PAWR: variants seen among roughly 807,000 people sequenced by gnomAD.
The protein encoded by PAWR is PRKC apoptosis WT1 regulator protein.
In PAWR, 23 loss-of-function variants were observed where a neutral mutation model predicts 32.0. The ratio of observed to expected loss-of-function variants is 0.72; its 90% CI spans 0.52 to 1.02. The LOEUF (loss-of-function observed/expected upper bound fraction) is 1.02. PAWR is among the 50% of genes least tolerant of loss of function. The probability of loss-of-function intolerance (pLI) is 0.00; values close to 1 mark genes in which losing one functional copy is unlikely to be tolerated. For missense variants in PAWR, 457 were observed against 437.7 expected, an observed-to-expected ratio of 1.04 and a Z score of -0.39; for synonymous variants, 226 against 187.1, an observed-to-expected ratio of 1.21 and a Z score of -1.70.
At position 79,689,752 on chromosome 12, in the gene PAWR, C is replaced by G. The variant is rs1015937744; in HGVS notation, c.493G>C (p.Val165Leu). The G allele has an allele frequency of 6.4e-7, 1 of 1,573,418 alleles. No homozygotes were observed. Among genetic ancestry groups the G allele is most frequent in the African/African-American group, 1.4e-5 (1 of 73,958 alleles). ...KLREKRRSTGVVNIPAAECLD... is the reference protein window; with the variant it reads ...KLREKRRSTGLVNIPAAECLD... The stretch of plus-strand genomic sequence containing the variant: ...ACCTCTGCGGCAGGGATGTTGACCA[C>G]GCCGGTGGAGCGCCGCTTCTCCCGC... Residue 165 changes from valine to leucine, a missense_variant, in exon 2 of 7, where the codon GTG (valine) becomes CTG (leucine). Physicochemically the swap from Val to Leu is conservative, Grantham distance 32. Coordinates refer to ENST00000328827, the MANE Select transcript of PAWR (RefSeq NM_002583.4).
intron 2 of PAWR, among the ~76,000 whole-genome samples, chr12:79,634,140 A>G (rs1223974175): frequency 1.3e-5 from 2 of 152,208 alleles, no homozygotes; most frequent in Non-Finnish European, 2.9e-5. Context: ...AAGTAAATAC[A>G]TATTTTATTC....
intron 3 of PAWR, among the ~76,000 whole-genome samples, chr12:79,614,760 C>T (rs1349382783): frequency 1.3e-5 from 2 of 152,166 alleles, no homozygotes; most frequent in African/African-American, 4.8e-5. Context: ...TATAAGATAA[C>T]CAGTTCCAGA....
rs552313236 is a variant in PAWR, at chr12:79,662,099, T to A, written c.516+27630A>T. On this transcript the variant is annotated intron_variant, in intron 2 of 6. Transcript: ENST00000328827. ...CATAGTAGCATTTAGCTAAGCACAG[T>A]GGCATGTGCCTGTGGTCACAGCTAC... Among the ~76,000 whole-genome samples, 6 of 148,994 alleles carry A rather than the reference T, an allele frequency of 4.0e-5. No homozygotes were observed. In the East Asian group the frequency reaches 1.2e-3, roughly 30 times the overall value.
intron 4 of PAWR, among the ~76,000 whole-genome samples, chr12:79,607,738 A>AT (rs1874246652): frequency 1.4e-5 from 2 of 143,850 alleles, no homozygotes; most frequent in African/African-American, 5.2e-5. Flanking sequence ...CAAAAAAAAA[A>AT]AAAAAAATAA....
rs1213753664 is a variant in PAWR at position 79,596,521 on chromosome 12, T to A, written c.821A>T (p.Asp274Val). The change falls in exon 5 of 7, where the codon GAT (aspartate) becomes GTT (valine). Residue 274 changes from aspartate (D) to valine (V), a missense_variant. Transcript: ENST00000328827. The stretch of plus-strand genomic sequence containing the variant: ...ACTTATAATCCATACCTTTTCAAGA[T>A]CTTCAATTTTCTTTTCCAGTGTGCT... Reference protein sequence around the residue: ...SSSTLEKKIEDLEKEVVRERQ... With the variant: ...SSSTLEKKIEVLEKEVVRERQ... The A allele has an allele frequency of 6.5e-7, 1 of 1,545,314 alleles. No homozygotes were observed. The highest frequency in any genetic ancestry group is 8.8e-7 in the Non-Finnish European group (1 of 1,130,518).
chr12:79,598,388 T>C (rs552102091), intron 4 of PAWR, among the ~76,000 whole-genome samples: 1 of 152,356 alleles, frequency 6.6e-6, no homozygotes, highest in African/African-American at 2.4e-5. Flanking sequence ...TAGCAGTGAT[T>C]TTAATGCAAT....
intron 4 of PAWR, among the ~76,000 whole-genome samples, chr12:79,612,050 A>G (rs1267155260): frequency 6.6e-6 from 1 of 152,166 alleles, no homozygotes; most frequent in East Asian, 1.9e-4. Context: ...TCTCCAAACC[A>G]AAAACTAATG....
At chr12:79,679,691 G>C (rs534316820) in intron 2 of PAWR, among the ~76,000 whole-genome samples, 1 of 152,266 alleles carries the variant, frequency 6.6e-6, no homozygotes, top group African/African-American at 2.4e-5. Context: ...CTCAGCTAGA[G>C]GAAAAAGGTT....
chr12:79,674,651 T>C (rs1878072757), intron 2 of PAWR, among the ~76,000 whole-genome samples: 1 of 151,882 alleles, frequency 6.6e-6, no homozygotes, highest in African/African-American at 2.4e-5. Context: ...ATTTGCAAAT[T>C]ATGCATCTGA....
intron 2 of PAWR, among the ~76,000 whole-genome samples, chr12:79,657,883 G>C (rs1474827885): frequency 6.6e-6 from 1 of 152,072 alleles, no homozygotes; most frequent in Non-Finnish European, 1.5e-5. Context: ...GATTATGAAG[G>C]AATGTCCAAA....
At chr12:79,680,974 A>G (rs985540199) in intron 2 of PAWR, among the ~76,000 whole-genome samples, 1 of 151,270 alleles carries the variant, frequency 6.6e-6, no homozygotes, top group Non-Finnish European at 1.5e-5. Context: ...AATTAGCCCA[A>G]TGTGGTGGTG....
intron 4 of PAWR, chr12:79,603,741 T>C (rs1009400613): frequency 3.6e-5 from 5 of 140,798 alleles, no homozygotes; most frequent in African/African-American, 1.0e-4. Flanking sequence ...GCAATGCCAC[T>C]ATTTTGGCTC....
chr12:79,686,058 C>T (rs1878666311), intron 2 of PAWR, among the ~76,000 whole-genome samples: 1 of 152,132 alleles, frequency 6.6e-6, no homozygotes, highest in African/African-American at 2.4e-5. Context: ...CTTTAGCCAA[C>T]CACTAAAGCT....
intron 2 of PAWR, among the ~76,000 whole-genome samples, chr12:79,671,314 T>C (rs1565700246): frequency 6.6e-6 from 1 of 152,208 alleles, no homozygotes; most frequent in African/African-American, 2.4e-5. Flanking sequence ...AATTTCAAGA[T>C]TAAATCCCTT....
intron 2 of PAWR, among the ~76,000 whole-genome samples, chr12:79,626,095 C>T (rs1410735091): frequency 4.6e-5 from 6 of 130,238 alleles, no homozygotes; most frequent in African/African-American, 1.1e-4. Flanking sequence ...ACCCGGGAGG[C>T]GGAGCTTGCA....
chr12:79,677,090 C>T (rs925707016), intron 2 of PAWR, among the ~76,000 whole-genome samples: 6 of 152,154 alleles, frequency 3.9e-5, no homozygotes, highest in African/African-American at 1.4e-4. Flanking sequence ...GTGCTGGTAA[C>T]AGAACAGCTG....
At chr12:79,597,807 C>T (rs1873817941) in intron 4 of PAWR, 1 of 152,152 alleles carries the variant, frequency 6.6e-6, no homozygotes, top group Admixed American at 6.5e-5. Flanking sequence ...AAATTACCCC[C>T]AAACTTACAC....
At chr12:79,600,626 C>A (rs1275479678) in intron 4 of PAWR, among the ~76,000 whole-genome samples, 1 of 146,328 alleles carries the variant, frequency 6.8e-6, no homozygotes, top group Non-Finnish European at 1.5e-5. Context: ...GGACTACAGG[C>A]ATATGCCACC....
chr12:79,670,773 T>C (rs1321989298), intron 2 of PAWR, among the ~76,000 whole-genome samples: 2 of 152,096 alleles, frequency 1.3e-5, no homozygotes, highest in Non-Finnish European at 2.9e-5. Context: ...ATTTTAAGTG[T>C]ACTTCAAGAT....
Sources: gnomAD v4.1 joint callset for allele counts (sites outside exome capture counted in the v4.1 genomes callset) on GRCh38, gnomAD v4.1.1 for gene constraint, MANE v1.5 for transcripts, NCBI Gene and HGNC (gene_info 2026-07-23, HGNC 2026-07-21) for gene names.